MAK: variants seen among roughly 807,000 people sequenced by gnomAD.
MAK encodes the protein serine/threonine-protein kinase MAK.
Under a neutral mutation model 82.6 loss-of-function variants are expected in MAK, and 65 were observed. That is an observed-to-expected ratio of 0.79 (90% CI 0.64 to 0.97). The LOEUF (loss-of-function observed/expected upper bound fraction) is 0.97, where lower values mean the gene tolerates loss of function less well. Among genes scored for constraint, MAK ranks in the 50% least tolerant of loss-of-function variants. MAK has a pLI of 0.00. For missense variants in MAK, 703 were observed against 780.2 expected, an observed-to-expected ratio of 0.90 and a Z score of 1.18; for synonymous variants, 250 against 274.2, an observed-to-expected ratio of 0.91 and a Z score of 0.87.
chr6:10,814,822 G>A (rs1777335980), intron 4 of MAK, among the ~76,000 whole-genome samples: 2 of 152,118 alleles, frequency 1.3e-5, no homozygotes, highest in African/African-American at 4.8e-5. Context: ...AAGGTGGGTG[G>A]AGGTCAGGAG....
intron 7 of MAK, 68 bp downstream of exon 7, chr6:10,803,646 TTATAAA>T: frequency 7.6e-7 from 1 of 1,313,396 alleles, no homozygotes; most frequent in Non-Finnish European, 1.1e-6. Flanking sequence ...ATAATCAAAA[TTATAAA>T]ATTAAAAGCA....
chr6:10,770,505 GC>G (rs1039185081), intron 13 of MAK, among the ~76,000 whole-genome samples: 55 of 152,140 alleles, frequency 3.6e-4, no homozygotes, highest in African/African-American at 1.3e-3. Flanking sequence ...TGAACTCAAG[GC>G]CCAGGGGTGT....
intron 5 of MAK, among the ~76,000 whole-genome samples, chr6:10,810,345 CTTT>C (rs111859354): frequency 4.1e-5 from 5 of 121,670 alleles, no homozygotes; most frequent in Admixed American, 1.7e-4. Context: ...TTATCTTTTT[CTTT>C]TTTTTTTTTT....
At chr6:10,796,826 A>G (rs1775609430) in intron 8 of MAK, among the ~76,000 whole-genome samples, 2 of 149,856 alleles carry the variant, frequency 1.3e-5, no homozygotes, top group Admixed American at 6.7e-5. Flanking sequence ...AAAAAAAAGT[A>G]CTAGTAGGAA....
rs900659384 is a variant in MAK, at chr6:10,830,533, T to C, written c.101+15A>G. ...GAGTTTTCAAAGGTGAAGTTGGCAG[T>C]GTCACACACAGTACCTTTTGATGGC... On this transcript the variant is annotated intron_variant, in intron 2 of 14. Coordinates refer to ENST00000354489, the MANE Select transcript of MAK (RefSeq NM_001242957.3). The C allele has an allele frequency of 5.0e-6, 8 of 1,595,894 alleles. No individual in the cohort carries two copies. The highest frequency in any genetic ancestry group is 6.0e-6 in the Non-Finnish European group (7 of 1,163,552).
intron 5 of MAK, among the ~76,000 whole-genome samples, chr6:10,813,116 ATATATATATATATATATAAATTTTTT>A (rs1777127237): frequency 2.0e-4 from 1 of 4,948 alleles, no homozygotes; most frequent in African/African-American, 8.3e-4. Flanking sequence ...ATATATATAT[ATATATATATATATATATAAATTTTTT>A]TTTTTTTTTT....
chr6:10,780,586 C>T (rs1379285026), intron 11 of MAK, among the ~76,000 whole-genome samples: 2 of 151,374 alleles, frequency 1.3e-5, no homozygotes, highest in Non-Finnish European at 2.9e-5. Flanking sequence ...TCCTGAGTAG[C>T]TGGGATTACA....
chr6:10,765,092 A>G (rs1772285805), intron 14 of MAK, among the ~76,000 whole-genome samples: 1 of 88,866 alleles, frequency 1.1e-5, no homozygotes, highest in Non-Finnish European at 2.6e-5. Context: ...GTGAAACTCC[A>G]TCTCAAAAAA....
chr6:10,831,245 T>C (rs977623063), intron 1 of MAK, among the ~76,000 whole-genome samples: 6 of 152,228 alleles, frequency 3.9e-5, no homozygotes, highest in Non-Finnish European at 7.3e-5. Flanking sequence ...GGCATATTGT[T>C]TAAAACTGTA....
chr6:10,822,477 CTCTTCA>C (rs1778037020), intron 2 of MAK, among the ~76,000 whole-genome samples: 2 of 152,022 alleles, frequency 1.3e-5, no homozygotes, highest in Admixed American at 6.6e-5. Context: ...AATCTGTATT[CTCTTCA>C]TCCATCCAGA....
chr6:10,833,336 G>A (rs1055383922), intron 1 of MAK, among the ~76,000 whole-genome samples: 5 of 152,278 alleles, frequency 3.3e-5, no homozygotes, highest in African/African-American at 1.2e-4. Flanking sequence ...TGGGCGCCCT[G>A]GCTCATCCCT....
rs9366620 is a variant in MAK, at chr6:10,767,703, C to T, written c.1792+2408G>A. Among the ~76,000 whole-genome samples, 6 of 151,382 alleles carry T rather than the reference C, an allele frequency of 4.0e-5. No individual in the cohort carries two copies. The East Asian group carries it at 1.2e-3, about 30-fold the overall frequency. On this transcript the variant is annotated intron_variant, in intron 14 of 14. Coordinates refer to ENST00000354489, the MANE Select transcript of MAK (RefSeq NM_001242957.3). ...ACTCCGGAGGCTGAGGCAGGAGAAT[C>T]GCTTGAACCCGGGTGGCAGAGGTTG...
intron 9 of MAK, among the ~76,000 whole-genome samples, chr6:10,792,632 T>TG (rs1358680587): frequency 6.6e-6 from 1 of 152,138 alleles, no homozygotes; most frequent in African/African-American, 2.4e-5. Context: ...GAAAGTGGTT[T>TG]GGGGGCACAT....
intron 11 of MAK, among the ~76,000 whole-genome samples, chr6:10,780,072 T>C (rs1162757904): frequency 6.6e-6 from 1 of 152,236 alleles, no homozygotes; most frequent in Non-Finnish European, 1.5e-5. Context: ...TCCAGGTGAC[T>C]GAACTGAGCC....
intron 14 of MAK, among the ~76,000 whole-genome samples, chr6:10,765,440 ATT>A (rs200536068): frequency 1.5e-4 from 19 of 130,618 alleles, no homozygotes; most frequent in African/African-American, 5.7e-4. Flanking sequence ...TAGAATGAAG[ATT>A]TTTTTTTTTT....
chr6:10,819,644 C>A (rs1006633975), intron 2 of MAK, among the ~76,000 whole-genome samples: 4 of 151,890 alleles, frequency 2.6e-5, no homozygotes, highest in Non-Finnish European at 5.9e-5. Flanking sequence ...GAATTTTGTT[C>A]TTTACTTCCC....
intron 12 of MAK, 111 bp downstream of exon 12, chr6:10,775,217 G>GT: frequency 1.5e-6 from 2 of 1,322,138 alleles, no homozygotes; most frequent in Non-Finnish European, 2.1e-6. Flanking sequence ...AAACCTTTGT[G>GT]TATCTCCCAA....
intron 11 of MAK, among the ~76,000 whole-genome samples, chr6:10,781,183 T>C (rs777448806): frequency 2.6e-5 from 4 of 152,184 alleles, no homozygotes; most frequent in Non-Finnish European, 4.4e-5. Flanking sequence ...GCAGCCAAAA[T>C]GAGGCCTGCC....
chr6:10,778,184 G>A (rs1478350637), intron 11 of MAK, among the ~76,000 whole-genome samples: 1 of 152,180 alleles, frequency 6.6e-6, no homozygotes, highest in Non-Finnish European at 1.5e-5. Context: ...GCCAGGCAGT[G>A]CGTGGCATTG....
Sources: gnomAD v4.1 joint callset for allele counts (sites outside exome capture counted in the v4.1 genomes callset) on GRCh38, gnomAD v4.1.1 for gene constraint, MANE v1.5 for transcripts, NCBI Gene and HGNC (gene_info 2026-07-23, HGNC 2026-07-21) for gene names.